Variants in MND1 observed in about 807,000 individuals in gnomAD.
The protein encoded by MND1 is meiotic nuclear divisions 1.
MND1 carries 28 observed loss-of-function variants against 35.1 expected under a neutral mutation model. The observed-to-expected ratio is 0.80, with a 90% confidence interval of 0.59 to 1.09. The LOEUF (loss-of-function observed/expected upper bound fraction) is 1.09, where lower values mean the gene tolerates loss of function less well. MND1 is among the 50% of genes least tolerant of loss of function. MND1 has a pLI of 0.00. For missense variants in MND1, 213 were observed against 239.6 expected (o/e 0.89, Z 0.73); for synonymous variants, 69 against 70.5 (o/e 0.98, Z 0.11).
intron 4 of MND1, among the ~76,000 whole-genome samples, chr4:153,378,202 C>A (rs956264522): frequency 8.5e-5 from 13 of 152,166 alleles, no homozygotes; most frequent in Middle Eastern, 3.2e-3. Context: ...CATACCTTTT[C>A]TTTGACTCCC....
rs2149662556 is a variant in MND1 at position 153,414,964 on chromosome 4, A to G, written c.*107A>G. On this transcript the variant is annotated 3_prime_UTR_variant, in exon 8 of 8. Transcript: ENST00000240488. Reference sequence around the variant, plus strand: ...TCGTTTGCCTGTAACTGTGTTTATCATTTTATTAATGTTAAATAAAGTGTA... The same window carrying G: ...TCGTTTGCCTGTAACTGTGTTTATCGTTTTATTAATGTTAAATAAAGTGTA... The G allele has an allele frequency of 2.1e-6, 1 of 474,532 alleles. No homozygotes were observed. 29.4% of individuals were successfully genotyped at this position (474,532 alleles called of 1,614,324 possible).
chr4:153,373,839 C>T (rs1008735391), intron 4 of MND1, among the ~76,000 whole-genome samples: 5 of 152,134 alleles, frequency 3.3e-5, no homozygotes, highest in African/African-American at 1.2e-4. Flanking sequence ...AATAAAATGA[C>T]CCTAATGCCA....
Position 153,397,245 on chromosome 4 carries a change from G to A in MND1, c.378G>A (p.Glu126=), listed in dbSNP as rs1561076317. The change falls in exon 6 of 8, where the codon GAG becomes GAA. Residue 126 remains glutamate (E), a synonymous_variant. Coordinates refer to ENST00000240488, the MANE Select transcript of MND1 (RefSeq NM_032117.4). Reference sequence around the variant, plus strand: ...AAGAGCGAACCAGGCTAGCAAAAGAGCTTTCTTCACTTCGAGACCAAAGGG... The same window carrying A: ...AAGAGCGAACCAGGCTAGCAAAAGAACTTTCTTCACTTCGAGACCAAAGGG... ...ETEERTRLAK[E]LSSLRDQREQ... 1 of 1,612,436 alleles carries A rather than the reference G, an allele frequency of 6.2e-7. No individual in the cohort carries two copies.
At chr4:153,403,412 T>C (rs1253469465) in intron 6 of MND1, among the ~76,000 whole-genome samples, 1 of 152,222 alleles carries the variant, frequency 6.6e-6, no homozygotes, top group Non-Finnish European at 1.5e-5. Context: ...AACCTCTTCA[T>C]AGAGGTTTAG....
rs1042210638 is a variant in MND1 at position 153,352,463 on chromosome 4, A to G, written c.69+2334A>G. Among the ~76,000 whole-genome samples, 4 of 152,110 alleles carry G rather than the reference A, an allele frequency of 2.6e-5. No homozygotes were observed. The East Asian group carries it at 7.7e-4, about 29-fold the overall frequency. On this transcript the variant is annotated intron_variant, in intron 2 of 7. Coordinates refer to ENST00000240488, the MANE Select transcript of MND1 (RefSeq NM_032117.4). ...TTTAAGCAAGTTACTTGACCTCTCT[A>G]TGTCTGTTTCTTCATCTCTTAAAGA... is the stretch of plus-strand genomic sequence containing the variant.
At chr4:153,345,579 C>A in intron 1 of MND1, 2 of 971,336 alleles carry the variant, frequency 2.1e-6, no homozygotes, top group Non-Finnish European at 2.4e-6. Flanking sequence ...AAGTTTCATG[C>A]CGTTTTTTCT....
At chr4:153,393,533 C>T (rs1283628783) in intron 4 of MND1, among the ~76,000 whole-genome samples, 2 of 152,048 alleles carry the variant, frequency 1.3e-5, no homozygotes, top group Non-Finnish European at 2.9e-5. Flanking sequence ...CTCATGCCAT[C>T]ACGCTTGGCT....
At chr4:153,394,024 A>G (rs1729129163) in intron 4 of MND1, among the ~76,000 whole-genome samples, 1 of 140,252 alleles carries the variant, frequency 7.1e-6, no homozygotes, top group Non-Finnish European at 1.5e-5. Flanking sequence ...CAGCCTCTCG[A>G]GTAGCGGGGA....
At chr4:153,362,961 G>A in intron 4 of MND1, 1 of 978,850 alleles carries the variant, frequency 1.0e-6, no homozygotes, top group Non-Finnish European at 1.2e-6. Flanking sequence ...TACATGGCAT[G>A]GATTGAGAGA....
chr4:153,380,250 C>CA (rs1728636748), intron 4 of MND1, among the ~76,000 whole-genome samples: 1 of 152,136 alleles, frequency 6.6e-6, no homozygotes, highest in Non-Finnish European at 1.5e-5. Flanking sequence ...TAGCTTCTTT[C>CA]AGGATTGGTT....
chr4:153,391,727 T>TACACACACACACACAC (rs71598272), intron 4 of MND1, among the ~76,000 whole-genome samples: 3,383 of 142,224 alleles, frequency 0.024, 66 homozygotes, highest in Middle Eastern at 0.056. Flanking sequence ...AACTCCATCA[T>TACACACACACACACAC]ACACACACAC....
At chr4:153,392,518 A>G (rs6832622) in intron 4 of MND1, among the ~76,000 whole-genome samples, 28,057 of 152,120 alleles carry the variant, frequency 0.18, 2,754 homozygotes, top group African/African-American at 0.24. Flanking sequence ...ATTTTTTAAG[A>G]AGGCCCTTAC....
chr4:153,414,875 A>G lies in MND1; in HGVS notation c.*18A>G. 1 of 1,083,506 alleles carries G rather than the reference A, an allele frequency of 9.2e-7. No homozygotes were observed. Among genetic ancestry groups the G allele is most frequent in the South Asian group, 1.6e-5 (1 of 61,448 alleles). The allele number at this position is 1,083,506 out of a possible 1,614,324, so 67.1% of individuals were successfully genotyped here. The stretch of plus-strand genomic sequence containing the variant: ...TAGACTAAAATATTCCATGGTGGTG[A>G]AGGATGTACAAGCTTGTGAATATGT... On this transcript the variant is annotated 3_prime_UTR_variant, in exon 8 of 8. Coordinates refer to ENST00000240488, the MANE Select transcript of MND1 (RefSeq NM_032117.4).
At chr4:153,392,938 G>C (rs1459155063) in intron 4 of MND1, among the ~76,000 whole-genome samples, 1 of 152,054 alleles carries the variant, frequency 6.6e-6, no homozygotes, top group Non-Finnish European at 1.5e-5. Flanking sequence ...TGGGCAACAT[G>C]GCGAAACTCC....
chr4:153,375,565 G>A (rs2078576788), intron 4 of MND1, among the ~76,000 whole-genome samples: 1 of 152,048 alleles, frequency 6.6e-6, no homozygotes, highest in Non-Finnish European at 1.5e-5. Context: ...ATATAGTAAT[G>A]GGAAAATAAG....
chr4:153,384,974 A>T (rs538442682), intron 4 of MND1, among the ~76,000 whole-genome samples: 74 of 152,328 alleles, frequency 4.9e-4, no homozygotes, highest in African/African-American at 1.8e-3. Context: ...CTACTGTCTT[A>T]CAGCATATAA....
chr4:153,358,102 C>T (rs556402057), intron 3 of MND1, among the ~76,000 whole-genome samples: 10 of 152,016 alleles, frequency 6.6e-5, no homozygotes, highest in South Asian at 2.1e-4. Context: ...CTGCTATGCA[C>T]CAAAGTAAGT....
chr4:153,406,829 G>A (rs1729523196), intron 6 of MND1, among the ~76,000 whole-genome samples: 1 of 152,164 alleles, frequency 6.6e-6, no homozygotes, highest in African/African-American at 2.4e-5. Context: ...CCTGAGACTT[G>A]GCAATTTACA....
chr4:153,405,841 G>A (rs1169878654), intron 6 of MND1, among the ~76,000 whole-genome samples: 4 of 152,246 alleles, frequency 2.6e-5, no homozygotes, highest in African/African-American at 9.6e-5. Context: ...GTCTCACTCT[G>A]TCACCCAGGC....
Sources: allele counts gnomAD v4.1 joint callset (sites outside exome capture counted in the v4.1 genomes callset), GRCh38; gene constraint gnomAD v4.1.1; transcripts MANE v1.5; gene names NCBI Gene and HGNC (gene_info 2026-07-23, HGNC 2026-07-21).